MACROD2: variants seen among roughly 807,000 people sequenced by gnomAD.
The protein encoded by MACROD2 is mono-ADP ribosylhydrolase 2, also known as ADP-ribose glycohydrolase MACROD2.
A neutral mutation model predicts 70.4 loss-of-function variants in MACROD2; 36 were observed. The ratio of observed to expected loss-of-function variants is 0.51; its 90% CI spans 0.39 to 0.68. MACROD2 has a LOEUF of 0.68. Ranked by LOEUF, MACROD2 falls within the 30% of genes least tolerant of loss-of-function variation. The pLI, the probability that MACROD2 is intolerant of heterozygous loss-of-function variation, is 0.00. For synonymous variants in MACROD2, 172 were observed against 178.8 expected (o/e 0.96, Z 0.30); for missense variants, 496 against 538.4 (o/e 0.92, Z 0.78).
intron 5 of MACROD2, among the ~76,000 whole-genome samples, chr20:15,190,351 G>A (rs2076562130): frequency 6.6e-6 from 1 of 152,084 alleles, no homozygotes; most frequent in African/African-American, 2.4e-5. Context: ...TAGTTAAATG[G>A]CTCAGCAGAT....
intron 5 of MACROD2, among the ~76,000 whole-genome samples, chr20:15,115,375 G>A (rs1372447083): frequency 6.6e-6 from 1 of 152,024 alleles, no homozygotes; most frequent in Non-Finnish European, 1.5e-5. Context: ...GACAACAGGT[G>A]TGCACCACCA....
At chr20:14,348,781 A>G (rs1179832217) in intron 3 of MACROD2, among the ~76,000 whole-genome samples, 1 of 152,188 alleles carries the variant, frequency 6.6e-6, no homozygotes, top group Non-Finnish European at 1.5e-5. Flanking sequence ...TGAACTGACC[A>G]CTACTGTCTA....
chr20:14,624,929 G>T (rs1235148622), intron 4 of MACROD2, among the ~76,000 whole-genome samples: 1 of 152,130 alleles, frequency 6.6e-6, no homozygotes, highest in Non-Finnish European at 1.5e-5. Context: ...CCTCCCAAAG[G>T]TCAGAGGTTT....
At chr20:14,837,324 A>G (rs910516866) in intron 5 of MACROD2, among the ~76,000 whole-genome samples, 1 of 151,598 alleles carries the variant, frequency 6.6e-6, no homozygotes, top group Non-Finnish European at 1.5e-5. Flanking sequence ...GGAAATTGTT[A>G]AAAAAAAATC....
chr20:15,159,216 C>A (rs189981583), intron 5 of MACROD2, among the ~76,000 whole-genome samples: 1 of 151,902 alleles, frequency 6.6e-6, no homozygotes, highest in Non-Finnish European at 1.5e-5. Flanking sequence ...AGGGTAAAGC[C>A]ACTGGGGGAA....
At chr20:15,075,194 T>G (rs1335173569) in intron 5 of MACROD2, among the ~76,000 whole-genome samples, 1 of 152,058 alleles carries the variant, frequency 6.6e-6, no homozygotes, top group African/African-American at 2.4e-5. Flanking sequence ...TCTGTATGTT[T>G]GAAATTTTCA....
intron 8 of MACROD2, among the ~76,000 whole-genome samples, chr20:15,841,996 G>A (rs1600980956): frequency 6.6e-6 from 1 of 152,102 alleles, no homozygotes; most frequent in East Asian, 1.9e-4. Flanking sequence ...GAATTGGGTA[G>A]GTGTGTTGGG....
At chr20:14,063,616 TA>T (rs1445434283) in intron 2 of MACROD2, among the ~76,000 whole-genome samples, 1 of 152,206 alleles carries the variant, frequency 6.6e-6, no homozygotes, top group Admixed American at 6.5e-5. Context: ...AAATGCTGTA[TA>T]AGATGTATAT....
chr20:14,631,933 A>G (rs1406719485), intron 4 of MACROD2: 2 of 152,220 alleles, frequency 1.3e-5, no homozygotes, highest in African/African-American at 4.8e-5. Flanking sequence ...TTGGACTCTT[A>G]GACAATGGCC....
chr20:15,254,657 C>T (rs1023846411), intron 6 of MACROD2, among the ~76,000 whole-genome samples: 2 of 152,142 alleles, frequency 1.3e-5, no homozygotes, highest in African/African-American at 4.8e-5. Context: ...GCATATCCTT[C>T]ATTCATCTAA....
intron 15 of MACROD2, among the ~76,000 whole-genome samples, chr20:16,029,194 G>A (rs2067120426): frequency 6.6e-6 from 1 of 152,178 alleles, no homozygotes; most frequent in South Asian, 2.1e-4. Flanking sequence ...AACCTTGGTT[G>A]TCTCCAAAAG....
intron 3 of MACROD2, among the ~76,000 whole-genome samples, chr20:14,140,000 T>C (rs1158986573): frequency 2.0e-5 from 3 of 152,150 alleles, no homozygotes; most frequent in African/African-American, 7.2e-5. Context: ...TTGGGTCCCA[T>C]CCCCAAGATA....
At chr20:15,905,926 C>A (rs1268164209) in intron 10 of MACROD2, among the ~76,000 whole-genome samples, 1 of 152,172 alleles carries the variant, frequency 6.6e-6, no homozygotes, top group African/African-American at 2.4e-5. Context: ...GATCACCATG[C>A]CTGAGGAATG....
chr20:14,554,946 G>A (rs576258678), intron 4 of MACROD2, among the ~76,000 whole-genome samples: 1 of 151,860 alleles, frequency 6.6e-6, no homozygotes, highest in East Asian at 1.9e-4. Context: ...TTAATATTTT[G>A]GGGAGACATA....
rs565853565 is a variant in MACROD2 at position 15,281,073 on chromosome 20, C to T, written c.540+51012C>T. Among the ~76,000 whole-genome samples the T allele has an allele frequency of 6.3e-4, 96 of 152,278 alleles. 1 individual carries two copies. In the South Asian group the frequency reaches 0.018, roughly 28 times the overall value. ...GAGTGCAAGCAAGAGAAACACTAGA[C>T]GCTTATAAAACTGTCAGATCTTGTG... On this transcript the variant is annotated intron_variant, in intron 6 of 17. Coordinates refer to ENST00000684519, the MANE Select transcript of MACROD2 (RefSeq NM_001351661.2).
intron 6 of MACROD2, among the ~76,000 whole-genome samples, chr20:15,299,898 G>A (rs1228784326): frequency 2.6e-5 from 4 of 152,220 alleles, no homozygotes. Flanking sequence ...ATGTGCAAGT[G>A]TCAAAGCCTC....
intron 12 of MACROD2, 53 bp downstream of exon 12, chr20:15,937,597 T>C (rs1464343478): frequency 6.6e-7 from 1 of 1,517,124 alleles, no homozygotes; most frequent in East Asian, 2.3e-5. Context: ...AAGAGACTGT[T>C]TGGGCTTGTT....
chr20:15,038,654 C>T (rs554480499), intron 5 of MACROD2, among the ~76,000 whole-genome samples: 8 of 152,216 alleles, frequency 5.3e-5, no homozygotes, highest in Admixed American at 2.6e-4. Context: ...CCACACCTTC[C>T]GCTTGTTATT....
intron 4 of MACROD2, among the ~76,000 whole-genome samples, chr20:14,522,103 C>T (rs1424601001): frequency 6.6e-6 from 1 of 152,156 alleles, no homozygotes; most frequent in African/African-American, 2.4e-5. Context: ...GAGTTCTAAT[C>T]CGAGCAGCTC....
Sources: allele counts gnomAD v4.1 joint callset (sites outside exome capture counted in the v4.1 genomes callset), GRCh38; gene constraint gnomAD v4.1.1; transcripts MANE v1.5; gene names NCBI Gene and HGNC (gene_info 2026-07-23, HGNC 2026-07-21).